Variants in HIPK2 observed in about 807,000 individuals in gnomAD.
HIPK2 encodes homeodomain interacting protein kinase 2, also known as homeodomain-interacting protein kinase 2.
HIPK2 carries 27 observed loss-of-function variants against 113.7 expected under a neutral mutation model. That is an observed-to-expected ratio of 0.24 (90% CI 0.17 to 0.33). The LOEUF is 0.33. Among genes scored for constraint, HIPK2 ranks in the 10% least tolerant of loss-of-function variants. HIPK2 has a pLI of 1.00. For synonymous variants in HIPK2, 631 were observed against 642.2 expected (o/e 0.98, Z 0.26); for missense variants, 1,257 against 1,588.0 (o/e 0.79, Z 3.54).
chr7:139,561,984 G>T lies in HIPK2; in HGVS notation c.*10943C>A, dbSNP rs959244010. The T allele has an allele frequency of 6.6e-6, 1 of 152,070 alleles. No individual in the cohort carries two copies. The highest frequency in any genetic ancestry group is 1.9e-4 in the East Asian group (1 of 5,196). The allele number at this position is 152,070 out of a possible 1,614,324, so 9.4% of individuals were successfully genotyped here. On this transcript the variant is annotated 3_prime_UTR_variant, in exon 15 of 15. Transcript: ENST00000406875. ...TAGTAGCAAGGACTTGATCAGTTAA[G>T]AATTAGTTTTCTTGTAAAACATTCT...
chr7:139,710,073 T>C (rs577706827), intron 2 of HIPK2, among the ~76,000 whole-genome samples: 1 of 152,198 alleles, frequency 6.6e-6, no homozygotes, highest in Non-Finnish European at 1.5e-5. Flanking sequence ...CACAACTTTT[T>C]TTTTTCTTTG....
At chr7:139,621,072 C>T (rs1431433860) in intron 6 of HIPK2, among the ~76,000 whole-genome samples, 2 of 152,204 alleles carry the variant, frequency 1.3e-5, no homozygotes, top group Non-Finnish European at 2.9e-5. Flanking sequence ...AGTATGGTGA[C>T]CCTATTGCCA....
chr7:139,701,678 TATC>T (rs1794713584), intron 2 of HIPK2, among the ~76,000 whole-genome samples: 2 of 152,232 alleles, frequency 1.3e-5, no homozygotes, highest in Admixed American at 6.5e-5. Flanking sequence ...CTAAGAAATA[TATC>T]ATTTCTTTGG....
In HIPK2 at chr7:139,630,555, G is replaced by A. The variant is rs188571361; in HGVS notation, c.1347+610C>T. Among the ~76,000 whole-genome samples, 384 of 152,234 alleles carry A rather than the reference G, an allele frequency of 2.5e-3. 2 individuals carry two copies. Among genetic ancestry groups the A allele is most frequent in the African/African-American group, 8.9e-3 (368 of 41,550 alleles). On this transcript the variant is annotated intron_variant, in intron 4 of 14. Transcript: ENST00000406875. This position sits in a 1 kb window ranked among gnomAD's most constrained non-coding sequence, Gnocchi z 4.0. The stretch of plus-strand genomic sequence containing the variant: ...TGGGATTACAGGAGCATGCCACCAC[G>A]CCCAGCTAATTTTTATACTTTTAGT...
intron 2 of HIPK2, among the ~76,000 whole-genome samples, chr7:139,661,450 T>C (rs1801865263): frequency 6.6e-6 from 1 of 152,338 alleles, no homozygotes; most frequent in South Asian, 2.1e-4. Context: ...ACCTTTTACA[T>C]ACTTGAAGAC....
intron 4 of HIPK2, among the ~76,000 whole-genome samples, chr7:139,629,318 C>T (rs146515785): frequency 3.3e-5 from 5 of 152,308 alleles, no homozygotes; most frequent in South Asian, 2.1e-4. Context: ...GCCACATCCT[C>T]GATCAGCTTA....
intron 1 of HIPK2, among the ~76,000 whole-genome samples, chr7:139,729,473 A>G (rs181736565): frequency 1.2e-4 from 19 of 152,280 alleles, no homozygotes; most frequent in African/African-American, 4.3e-4. Flanking sequence ...AGGCCCCAAA[A>G]GCCACCTCAA....
At chr7:139,664,608 C>A (rs1801982061) in intron 2 of HIPK2, among the ~76,000 whole-genome samples, 1 of 152,182 alleles carries the variant, frequency 6.6e-6, no homozygotes, top group African/African-American at 2.4e-5. Context: ...GGCTTCCACC[C>A]TTCCTGCTAT....
intron 1 of HIPK2, among the ~76,000 whole-genome samples, chr7:139,746,155 A>G (rs114776062): frequency 6.6e-6 from 1 of 152,278 alleles, no homozygotes; most frequent in African/African-American, 2.4e-5. Flanking sequence ...GATGGCTACT[A>G]CAGTCAAATA....
intron 2 of HIPK2, among the ~76,000 whole-genome samples, chr7:139,655,534 C>A (rs542597794): frequency 1.3e-5 from 2 of 152,280 alleles, no homozygotes; most frequent in South Asian, 2.1e-4. Context: ...GTCTTCTTGG[C>A]TCTTGCTTCT....
chr7:139,600,434 C>T lies in HIPK2; in HGVS notation c.2418G>A (p.Gln806=). The change falls in exon 11 of 15, where the codon CAG becomes CAA. Residue 806 remains glutamine (Q), a synonymous_variant. Coordinates refer to ENST00000406875, the MANE Select transcript of HIPK2 (RefSeq NM_022740.5). The part of the protein sequence containing the change: ...TSTTSSRKSK[Q]HQSSVRNVST... ...CCACCTACCTCACAGATGACTGGTG[C>T]TGCTTACTCTTCCGGGAGGAGGTGG... The T allele has an allele frequency of 1.9e-6, 3 of 1,613,442 alleles. No individual in the cohort carries two copies. Among genetic ancestry groups the T allele is most frequent in the Non-Finnish European group, 2.5e-6 (3 of 1,179,814 alleles).
intron 2 of HIPK2, among the ~76,000 whole-genome samples, chr7:139,639,954 C>T (rs138171762): frequency 2.0e-4 from 30 of 152,210 alleles, no homozygotes; most frequent in African/African-American, 5.8e-4. Context: ...TTCCTGTTCT[C>T]GGTTCGGTTT....
chr7:139,777,669 G>T lies in HIPK2; in HGVS notation c.-46C>A. ...TTCATGGCAACGGGGACGGGAAAGC[G>T]GCGCGCGAGCTCGGCCCCCCCAGCC... On this transcript the variant is annotated 5_prime_UTR_variant, in exon 1 of 15. Transcript: ENST00000406875. 9.1e-7 allele frequency: 1 copy of T among 1,098,690 alleles called. No individual in the cohort carries two copies. 68.1% of individuals were successfully genotyped at this position (1,098,690 alleles called of 1,614,324 possible).
At chr7:139,749,000 C>T (rs771754824) in intron 1 of HIPK2, among the ~76,000 whole-genome samples, 2 of 152,212 alleles carry the variant, frequency 1.3e-5, no homozygotes, top group African/African-American at 2.4e-5. Flanking sequence ...CCACTATCCT[C>T]GATTTAACAA....
intron 1 of HIPK2, among the ~76,000 whole-genome samples, chr7:139,743,979 A>C (rs1796149502): frequency 6.6e-6 from 1 of 152,256 alleles, no homozygotes. Context: ...AACTGAATAT[A>C]CATTTAGCCA....
chr7:139,741,936 C>G (rs887054361), intron 1 of HIPK2, among the ~76,000 whole-genome samples: 1 of 152,182 alleles, frequency 6.6e-6, no homozygotes, highest in Non-Finnish European at 1.5e-5. Context: ...CACGGCAACC[C>G]TGGGAGGTCA....
chr7:139,665,867 G>A (rs887150297), intron 2 of HIPK2, among the ~76,000 whole-genome samples: 4 of 151,858 alleles, frequency 2.6e-5, no homozygotes, highest in African/African-American at 9.7e-5. Flanking sequence ...TTCATGTTGA[G>A]CTTTGAGAAC....
intron 2 of HIPK2, among the ~76,000 whole-genome samples, chr7:139,643,442 C>T (rs1801098942): frequency 6.6e-6 from 1 of 152,096 alleles, no homozygotes; most frequent in South Asian, 2.1e-4. Context: ...CTTAGTCCTG[C>T]TCCAACTCTG....
In HIPK2 at chr7:139,683,150, A is replaced by G. The variant is rs1292953958; in HGVS notation, c.1103+32782T>C. On this transcript the variant is annotated intron_variant, in intron 2 of 14. Coordinates refer to ENST00000406875, the MANE Select transcript of HIPK2 (RefSeq NM_022740.5). The surrounding 1 kb of genome is among the most constrained non-coding windows in gnomAD (Gnocchi z 4.2). ...TGTACAATATTTAGCATTACCTGGA[A>G]GGGCCTGGCTCTCACCTCGGAGCCT... Among the ~76,000 whole-genome samples the G allele has an allele frequency of 1.3e-5, 2 of 152,218 alleles. No individual in the cohort carries two copies. The highest frequency in any genetic ancestry group is 4.8e-5 in the African/African-American group (2 of 41,454).
Sources: allele counts gnomAD v4.1 joint callset (sites outside exome capture counted in the v4.1 genomes callset), GRCh38; gene constraint gnomAD v4.1.1; non-coding constraint Gnocchi (gnomAD v3.1); transcripts MANE v1.5; gene names NCBI Gene and HGNC (gene_info 2026-07-23, HGNC 2026-07-21).